Variants in PTPN14 observed in about 807,000 individuals in gnomAD.
PTPN14 encodes the protein protein tyrosine phosphatase non-receptor type 14.
In PTPN14, 53 loss-of-function variants were observed where a neutral mutation model predicts 126.8. That is an observed-to-expected ratio of 0.42 (90% CI 0.34 to 0.53). The LOEUF is 0.53. Ranked by LOEUF, PTPN14 falls within the 20% of genes least tolerant of loss-of-function variation. The probability of loss-of-function intolerance (pLI) is 0.08; values close to 1 mark genes in which losing one functional copy is unlikely to be tolerated. For missense variants in PTPN14, 1,257 were observed against 1,552.9 expected (o/e 0.81, Z 3.20); for synonymous variants, 630 against 599.3 (o/e 1.05, Z -0.75).
At chr1:214,467,918 T>C (rs1468696033) in intron 1 of PTPN14, among the ~76,000 whole-genome samples, 11 of 152,050 alleles carry the variant, frequency 7.2e-5, no homozygotes, top group African/African-American at 2.7e-4. Flanking sequence ...CTTTTAAAAG[T>C]CAATGTCATG....
chr1:214,501,383 G>A (rs1333633512), intron 1 of PTPN14, among the ~76,000 whole-genome samples: 1 of 152,088 alleles, frequency 6.6e-6, no homozygotes. Flanking sequence ...GGGACTACAG[G>A]TGCCCACCAC....
chr1:214,475,854 G>A (rs1184547058), intron 1 of PTPN14, among the ~76,000 whole-genome samples: 3 of 152,112 alleles, frequency 2.0e-5, no homozygotes, highest in Non-Finnish European at 4.4e-5. Flanking sequence ...AGACAATCAA[G>A]TTCAAACCCA....
chr1:214,488,184 ATCT>A (rs1352974186), intron 1 of PTPN14, among the ~76,000 whole-genome samples: 2 of 152,188 alleles, frequency 1.3e-5, no homozygotes, highest in Non-Finnish European at 2.9e-5. Context: ...AGCACAGATA[ATCT>A]TCTACTTGTA....
chr1:214,533,495 TG>T, intron 1 of PTPN14: 1 of 460,240 alleles, frequency 2.2e-6, no homozygotes, highest in Non-Finnish European at 3.6e-6. Context: ...GGGTACCCTT[TG>T]GGGAGCAGGA....
intron 1 of PTPN14, among the ~76,000 whole-genome samples, chr1:214,500,269 T>C (rs747974173): frequency 3.2e-4 from 49 of 152,122 alleles, no homozygotes; most frequent in Admixed American, 7.2e-4. Flanking sequence ...CTTAGCAGCC[T>C]GGGACAAAGG....
chr1:214,466,838 T>C (rs1660650069), intron 1 of PTPN14, among the ~76,000 whole-genome samples: 1 of 152,150 alleles, frequency 6.6e-6, no homozygotes, highest in South Asian at 2.1e-4. Flanking sequence ...CTTGTAGGAA[T>C]TCTTAAAGTA....
chr1:214,458,514 G>A (rs1172242816), intron 2 of PTPN14, among the ~76,000 whole-genome samples: 1 of 152,134 alleles, frequency 6.6e-6, no homozygotes, highest in Non-Finnish European at 1.5e-5. Context: ...TGAGACTGTG[G>A]CAACTATGAA....
chr1:214,543,095 C>T (rs1030736248), intron 1 of PTPN14, among the ~76,000 whole-genome samples: 2 of 152,178 alleles, frequency 1.3e-5, no homozygotes, highest in African/African-American at 4.8e-5. Context: ...CCAACTTTCT[C>T]TCACTGTAAA....
chr1:214,441,628 C>T (rs776121966), intron 3 of PTPN14, among the ~76,000 whole-genome samples: 1 of 152,162 alleles, frequency 6.6e-6, no homozygotes, highest in African/African-American at 2.4e-5. Context: ...CTCAATCCCA[C>T]CCATTGTAAT....
At chr1:214,465,229 T>C (rs976638649) in intron 1 of PTPN14, among the ~76,000 whole-genome samples, 5 of 152,202 alleles carry the variant, frequency 3.3e-5, no homozygotes, top group African/African-American at 1.2e-4. Flanking sequence ...AGGTGCACAG[T>C]GTAAATGGCA....
In PTPN14 at chr1:214,384,246, C is replaced by T. The variant is rs1262055249; in HGVS notation, c.1609G>A (p.Val537Met). The change falls in exon 13 of 19, where the codon GTG (valine) becomes ATG (methionine). Residue 537 changes from valine (V) to methionine (M), a missense_variant. By Grantham distance (21) the Val-to-Met change is conservative. This residue lies in a region of PTPN14 where 1,021 missense variants were observed against 1,183.3 expected (regional missense o/e 0.86). Transcript: ENST00000366956. This position sits in a 1 kb window ranked among gnomAD's most constrained non-coding sequence, Gnocchi z 5.3. ...KPGASAISHT[V>M]STPELANMQL... ...ATGTTGGCCAGCTCTGGGGTGCTCA[C>T]CGTGTGCGAGATGGCGCTTGCCCCC... The T allele has an allele frequency of 6.2e-7, 1 of 1,614,060 alleles. No individual in the cohort carries two copies.
chr1:214,466,452 C>T (rs1489795711), intron 1 of PTPN14, among the ~76,000 whole-genome samples: 1 of 152,092 alleles, frequency 6.6e-6, no homozygotes, highest in East Asian at 1.9e-4. Context: ...ATTTAATTTA[C>T]TATTATAGTA....
intron 17 of PTPN14, among the ~76,000 whole-genome samples, chr1:214,366,983 CA>C (rs60761312): frequency 0.78 from 98,347 of 125,300 alleles, 37,393 homozygotes; most frequent in African/African-American, 0.88. Context: ...GACTCCATCT[CA>C]AAAAAAAAAA....
intron 6 of PTPN14, 132 bp downstream of exon 6, chr1:214,402,751 A>T: frequency 1.0e-6 from 1 of 963,128 alleles, no homozygotes; most frequent in Non-Finnish European, 1.6e-6. Flanking sequence ...TACAGAGCTG[A>T]GTCACGTGGT....
At chr1:214,485,838 A>G (rs956729260) in intron 1 of PTPN14, among the ~76,000 whole-genome samples, 118 of 151,184 alleles carry the variant, frequency 7.8e-4, no homozygotes, top group Non-Finnish European at 1.5e-3. Context: ...CCATTCTCCT[A>G]CCTCAGCCTC....
At chr1:214,534,415 T>C (rs181102972) in intron 1 of PTPN14, among the ~76,000 whole-genome samples, 25 of 152,286 alleles carry the variant, frequency 1.6e-4, no homozygotes, top group Admixed American at 1.6e-3. Flanking sequence ...AATCGTGGTA[T>C]AATAAAAGAC....
chr1:214,434,276 T>C (rs1659862506), intron 3 of PTPN14, among the ~76,000 whole-genome samples: 1 of 152,060 alleles, frequency 6.6e-6, no homozygotes, highest in African/African-American at 2.4e-5. Context: ...AGAGATGAGA[T>C]AAGGTGAAGG....
rs1399948409 is a variant in PTPN14, at chr1:214,356,031, TC to T, written c.*1890del. The stretch of plus-strand genomic sequence containing the variant: ...TGGACTACAGTGGCAAGATCACGGC[TC>T]ACTGCAGTCTCGAATTCTTAGAATC... On this transcript the variant is annotated 3_prime_UTR_variant, in exon 19 of 19. Coordinates refer to ENST00000366956, the MANE Select transcript of PTPN14 (RefSeq NM_005401.5). 2.0e-5 allele frequency: 3 copies of T among 147,216 alleles called. No homozygotes were observed. Among genetic ancestry groups the T allele is most frequent in the African/African-American group, 7.6e-5 (3 of 39,410 alleles). 9.1% of individuals were successfully genotyped at this position (147,216 alleles called of 1,614,324 possible). A position where few individuals can be genotyped will look rare whatever the true frequency, so the allele number is the denominator to read the frequency against.
chr1:214,411,966 AAAT>A (rs1659320063), intron 4 of PTPN14, among the ~76,000 whole-genome samples: 1 of 152,234 alleles, frequency 6.6e-6, no homozygotes. Flanking sequence ...GAATTTTTAG[AAAT>A]AATGAAGAAA....
Sources: allele counts gnomAD v4.1 joint callset (sites outside exome capture counted in the v4.1 genomes callset), GRCh38; gene constraint gnomAD v4.1.1; regional missense constraint gnomAD v4.1.1; non-coding constraint Gnocchi (gnomAD v3.1); transcripts MANE v1.5; gene names NCBI Gene and HGNC (gene_info 2026-07-23, HGNC 2026-07-21).